CDK14: variants seen among roughly 807,000 people sequenced by gnomAD.
CDK14 encodes cyclin-dependent kinase 14.
Under a neutral mutation model 60.7 loss-of-function variants are expected in CDK14, and 34 were observed. That is an observed-to-expected ratio of 0.56 (90% CI 0.43 to 0.75). The LOEUF (loss-of-function observed/expected upper bound fraction) is 0.75. Ranked by LOEUF, CDK14 falls within the 30% of genes least tolerant of loss-of-function variation. The pLI is 0.00. For synonymous variants in CDK14, 197 were observed against 203.7 expected (o/e 0.97, Z 0.28); for missense variants, 482 against 564.1 (o/e 0.85, Z 1.47).
At chr7:90,773,903 CT>C (rs66713333) in intron 4 of CDK14, among the ~76,000 whole-genome samples, 34,252 of 80,052 alleles carry the variant, frequency 0.43, 7,943 homozygotes, top group East Asian at 0.82. Flanking sequence ...TCTTTTCTTT[CT>C]TTTTTTTTTT....
At chr7:91,163,832 A>G (rs573084043) in intron 14 of CDK14, among the ~76,000 whole-genome samples, 2 of 152,190 alleles carry the variant, frequency 1.3e-5, no homozygotes, top group South Asian at 4.1e-4. Context: ...TATGAAAAAA[A>G]TTCTGGAAAA....
intron 4 of CDK14, among the ~76,000 whole-genome samples, chr7:90,775,484 A>G (rs1027208526): frequency 1.3e-5 from 2 of 152,226 alleles, no homozygotes; most frequent in African/African-American, 4.8e-5. Flanking sequence ...TCTATTTGAA[A>G]TGGCAACTTG....
rs1794510307 is a variant in CDK14 at position 90,958,814 on chromosome 7, C to T, written c.947+2997C>T. On this transcript the variant is annotated intron_variant, in intron 9 of 14. Coordinates refer to ENST00000380050, the MANE Select transcript of CDK14 (RefSeq NM_001287135.2). ...TCAGTTAGGGACTCTGCTAATAAAACATTGGTTGGAAACATCTGTGGCTTG... is the reference window on the plus strand; with the variant it reads ...TCAGTTAGGGACTCTGCTAATAAAATATTGGTTGGAAACATCTGTGGCTTG... 3.9e-5 allele frequency among the ~76,000 whole-genome samples: 6 copies of T among 152,216 alleles called. No homozygotes were observed. The South Asian group carries it at 1.2e-3, about 32-fold the overall frequency.
At chr7:91,175,136 G>C (rs1457232644) in intron 14 of CDK14, among the ~76,000 whole-genome samples, 1 of 149,630 alleles carries the variant, frequency 6.7e-6, no homozygotes, top group Non-Finnish European at 1.5e-5. Context: ...AGCCAGAAGA[G>C]AGTGGGGGCC....
intron 5 of CDK14, among the ~76,000 whole-genome samples, chr7:90,793,742 T>C (rs1805927524): frequency 6.6e-6 from 1 of 152,146 alleles, no homozygotes; most frequent in Non-Finnish European, 1.5e-5. Context: ...GGAGGCAAAC[T>C]GTGGCTTGGG....
At chr7:90,975,883 A>G (rs887306119) in intron 9 of CDK14, among the ~76,000 whole-genome samples, 7 of 152,084 alleles carry the variant, frequency 4.6e-5, no homozygotes, top group African/African-American at 7.2e-5. Flanking sequence ...TTCTTTTTTT[A>G]TGGCTGAATA....
chr7:90,882,851 A>G (rs13233122), intron 6 of CDK14, among the ~76,000 whole-genome samples: 12,351 of 152,294 alleles, frequency 0.081, 701 homozygotes, highest in Middle Eastern at 0.14. Flanking sequence ...TCCTGGGTAA[A>G]TAATGAAGTT....
At chr7:91,098,513 A>AAAAG (rs760335342) in intron 12 of CDK14, among the ~76,000 whole-genome samples, 2 of 149,712 alleles carry the variant, frequency 1.3e-5, no homozygotes, top group Non-Finnish European at 3.0e-5. Context: ...AAAAGAAAGA[A>AAAAG]AAAGAAAGAA....
chr7:90,983,685 A>G (rs1311612429), intron 9 of CDK14, among the ~76,000 whole-genome samples: 1 of 151,998 alleles, frequency 6.6e-6, no homozygotes, highest in Non-Finnish European at 1.5e-5. Context: ...ATCTCAAAAA[A>G]AAAAAAAAAG....
At position 90,738,966 on chromosome 7, in the gene CDK14, CTTTA is replaced by C. The variant is rs150169847; in HGVS notation, c.370-8709_370-8706del. On this transcript the variant is annotated intron_variant, in intron 3 of 14. Transcript: ENST00000380050. The stretch of plus-strand genomic sequence containing the variant: ...TCTTTAAATATTTGGCATTTGGATT[CTTTA>C]TTTATGTGTACAGTAATTACAGATC... 1.2e-3 allele frequency among the ~76,000 whole-genome samples: 180 copies of C among 150,746 alleles called. 1 individual carries two copies. Among genetic ancestry groups the C allele is most frequent in the Non-Finnish European group, 1.9e-3 (127 of 67,686 alleles).
At chr7:91,156,133 G>A (rs183674974) in intron 14 of CDK14, among the ~76,000 whole-genome samples, 39 of 152,224 alleles carry the variant, frequency 2.6e-4, no homozygotes, top group African/African-American at 3.6e-4. Context: ...GGAATAGGCC[G>A]CCAGACCTCT....
At chr7:90,839,034 C>A (rs1249817120) in intron 5 of CDK14, among the ~76,000 whole-genome samples, 2 of 152,126 alleles carry the variant, frequency 1.3e-5, no homozygotes, top group Non-Finnish European at 2.9e-5. Flanking sequence ...TGTGATGGCA[C>A]CCCCGGAGGC....
chr7:90,834,532 G>A (rs922183693), intron 5 of CDK14, among the ~76,000 whole-genome samples: 8 of 152,234 alleles, frequency 5.3e-5, no homozygotes, highest in South Asian at 2.1e-4. Context: ...GGTTTTGTTC[G>A]TTTGCAGCAT....
chr7:91,091,154 G>A (rs1798793919), intron 12 of CDK14, among the ~76,000 whole-genome samples: 1 of 151,360 alleles, frequency 6.6e-6, no homozygotes, highest in Non-Finnish European at 1.5e-5. Flanking sequence ...CCAGCACTTT[G>A]AGAGGCCAAG....
At chr7:90,626,532 T>C (rs1284390898) in intron 2 of CDK14, among the ~76,000 whole-genome samples, 5 of 152,240 alleles carry the variant, frequency 3.3e-5, no homozygotes, top group Non-Finnish European at 7.3e-5. Flanking sequence ...TAGATTATAA[T>C]CTAAACTGAA....
At chr7:90,799,136 T>C (rs188347879) in intron 5 of CDK14, among the ~76,000 whole-genome samples, 98 of 152,318 alleles carry the variant, frequency 6.4e-4, no homozygotes, top group African/African-American at 2.3e-3. Context: ...GATTCTTGAA[T>C]ATGTGATGGT....
At chr7:90,788,312 C>G (rs543421532) in intron 4 of CDK14, among the ~76,000 whole-genome samples, 7 of 152,286 alleles carry the variant, frequency 4.6e-5, no homozygotes, top group Non-Finnish European at 1.0e-4. Context: ...GCATCCCAGC[C>G]TCAAGCCCTG....
intron 13 of CDK14, among the ~76,000 whole-genome samples, chr7:91,113,662 T>G (rs1207218169): frequency 1.3e-5 from 2 of 152,186 alleles, no homozygotes; most frequent in Non-Finnish European, 2.9e-5. Flanking sequence ...TTGGTATACA[T>G]CACTTACAGT....
intron 14 of CDK14, among the ~76,000 whole-genome samples, chr7:91,121,654 G>A (rs889584267): frequency 6.6e-6 from 1 of 152,134 alleles, no homozygotes; most frequent in Non-Finnish European, 1.5e-5. Context: ...AATTAAATAA[G>A]AAGAAAACCA....
Sources: gnomAD v4.1 joint callset for allele counts (sites outside exome capture counted in the v4.1 genomes callset) on GRCh38, gnomAD v4.1.1 for gene constraint, MANE v1.5 for transcripts, NCBI Gene and HGNC (gene_info 2026-07-23, HGNC 2026-07-21) for gene names.